Variants in TMEM63C observed in about 807,000 individuals in gnomAD.
TMEM63C encodes transmembrane protein 63C.
In TMEM63C, 32 loss-of-function variants were observed where a neutral mutation model predicts 99.2. The observed-to-expected ratio is 0.32, with a 90% confidence interval of 0.24 to 0.43. TMEM63C has a LOEUF of 0.43. Ranked by LOEUF, TMEM63C falls within the 20% of genes least tolerant of loss-of-function variation. The pLI, the probability that TMEM63C is intolerant of heterozygous loss-of-function variation, is 1.00. For synonymous variants in TMEM63C, 376 were observed against 397.9 expected, an observed-to-expected ratio of 0.94 and a Z score of 0.66; for missense variants, 826 against 1,053.0, an observed-to-expected ratio of 0.78 and a Z score of 2.98.
rs77785033 is a variant in TMEM63C, at chr14:77,256,680, A to G, written c.2375A>G (p.Gln792Arg). The stretch of plus-strand genomic sequence containing the variant: ...TTTGCGAGGGAGCTAGACTCGGCCC[A>G]GTTCCAGGAAGGGCTGGAACTGGAG... ...RGFARELDSA[Q>R]FQEGLELEGQ... The change falls in exon 24 of 24, where the codon CAG (glutamine) becomes CGG (arginine). Residue 792 changes from glutamine to arginine, a missense_variant. Coordinates refer to ENST00000298351, the MANE Select transcript of TMEM63C (RefSeq NM_020431.4). 5 of 1,613,984 alleles carry G rather than the reference A, an allele frequency of 3.1e-6. No individual in the cohort carries two copies. In the South Asian group the frequency reaches 5.5e-5, roughly 18 times the overall value.
intron 20 of TMEM63C, 66 bp downstream of exon 20, chr14:77,248,938 CACA>C: frequency 3.5e-6 from 5 of 1,416,686 alleles, no homozygotes; most frequent in Non-Finnish European, 5.0e-6. Flanking sequence ...AATTGAGCCT[CACA>C]ACATCAGTCC....
At chr14:77,246,752 G>A in intron 18 of TMEM63C, 78 bp downstream of exon 18, 1 of 1,239,918 alleles carries the variant, frequency 8.1e-7, no homozygotes, top group South Asian at 1.3e-5. Flanking sequence ...CCTGAGTCCA[G>A]CACCTGAATT....
chr14:77,231,480 A>T, intron 6 of TMEM63C, 108 bp from the exon 7 acceptor site: 1 of 1,294,078 alleles, frequency 7.7e-7, no homozygotes, highest in Non-Finnish European at 1.0e-6. Context: ...AAAAAAAAAA[A>T]AACTTGGGGA....
chr14:77,249,201 ATCT>A, intron 20 of TMEM63C, 87 bp from the exon 21 acceptor site: 1 of 1,374,068 alleles, frequency 7.3e-7, no homozygotes, highest in East Asian at 2.3e-5. Context: ...ACAGCCGTGG[ATCT>A]GGCTTCTCAG....
At chr14:77,208,609 T>A (rs1888445286) in intron 1 of TMEM63C, among the ~76,000 whole-genome samples, 1 of 152,228 alleles carries the variant, frequency 6.6e-6, no homozygotes, top group Admixed American at 6.5e-5. Flanking sequence ...GAAATGTACC[T>A]TTTAACTTTC....
At chr14:77,202,820 C>G (rs1179293946) in intron 1 of TMEM63C, among the ~76,000 whole-genome samples, 2 of 138,994 alleles carry the variant, frequency 1.4e-5, no homozygotes, top group Non-Finnish European at 3.1e-5. Context: ...GGCAGACAGG[C>G]AGGCGCACAC....
rs75144015 is a variant in TMEM63C at position 77,216,648 on chromosome 14, C to T, written c.-13-2153C>T. Among the ~76,000 whole-genome samples the T allele has an allele frequency of 4.7e-3, 718 of 152,314 alleles. 5 individuals carry two copies. The highest frequency in any genetic ancestry group is 0.016 in the African/African-American group (679 of 41,568). ...ATCTTCCAGTGGCTCAGGCCAAAAA[C>T]CTGAGAGTCATCCTCGACTCCTCTC... On this transcript the variant is annotated intron_variant, in intron 2 of 23. Coordinates refer to ENST00000298351, the MANE Select transcript of TMEM63C (RefSeq NM_020431.4).
At chr14:77,191,387 C>G (rs1888101558) in intron 1 of TMEM63C, among the ~76,000 whole-genome samples, 1 of 152,122 alleles carries the variant, frequency 6.6e-6, no homozygotes, top group African/African-American at 2.4e-5. Context: ...TGTGAGCTAT[C>G]CTGGAGAATG....
intron 5 of TMEM63C, among the ~76,000 whole-genome samples, chr14:77,222,639 G>T (rs10400728): frequency 0.22 from 32,827 of 151,966 alleles, 4,095 homozygotes; most frequent in East Asian, 0.45. Context: ...TGAGTCCACC[G>T]TTTAGCTTCT....
intron 1 of TMEM63C, among the ~76,000 whole-genome samples, chr14:77,200,649 T>C (rs1192593605): frequency 6.6e-6 from 1 of 152,244 alleles, no homozygotes; most frequent in Admixed American, 6.5e-5. Context: ...CTGCTGCCCC[T>C]GAGGGGTGGT....
At position 77,240,681 on chromosome 14, in the gene TMEM63C, C is replaced by T. The variant is rs138279317; in HGVS notation, c.1064+73C>T. On this transcript the variant is annotated intron_variant, in intron 13 of 23. Transcript: ENST00000298351. ...TCTCGGCACTCTCCTCCCTCTCCAC[C>T]TCCAGTTTCCCCTTCTGCCTCCCCT... The T allele has an allele frequency of 2.5e-4, 395 of 1,553,434 alleles. 3 individuals are homozygous for T. The East Asian group carries it at 8.7e-3, about 34-fold the overall frequency.
At chr14:77,232,611 A>G (rs550644342) in intron 7 of TMEM63C, among the ~76,000 whole-genome samples, 3 of 152,336 alleles carry the variant, frequency 2.0e-5, no homozygotes, top group Non-Finnish European at 4.4e-5. Context: ...TTAACCTTGT[A>G]TATGGCAAAT....
chr14:77,182,998 G>A (rs937648016), intron 1 of TMEM63C, among the ~76,000 whole-genome samples: 41 of 152,052 alleles, frequency 2.7e-4, no homozygotes, highest in African/African-American at 8.2e-4. Context: ...TTCTCTCTCC[G>A]GCCCCTGTCC....
chr14:77,228,032 C>G (rs382125), intron 6 of TMEM63C, among the ~76,000 whole-genome samples: 26,029 of 151,972 alleles, frequency 0.17, 2,445 homozygotes, highest in Non-Finnish European at 0.21. Flanking sequence ...GACGCAGGTG[C>G]ATGCAGAGAG....
At chr14:77,196,558 G>A (rs1247771862) in intron 1 of TMEM63C, among the ~76,000 whole-genome samples, 1 of 152,200 alleles carries the variant, frequency 6.6e-6, no homozygotes, top group Non-Finnish European at 1.5e-5. Flanking sequence ...TGGGCCTCCT[G>A]GTGGTTCTTT....
chr14:77,208,247 G>A, intron 1 of TMEM63C, among the ~76,000 whole-genome samples: 1 of 152,212 alleles, frequency 6.6e-6, no homozygotes, highest in East Asian at 1.9e-4. Context: ...TCAGAACAGA[G>A]CAGAACTGTC....
At chr14:77,234,765 A>G (rs1889006636) in intron 8 of TMEM63C, among the ~76,000 whole-genome samples, 1 of 152,138 alleles carries the variant, frequency 6.6e-6, no homozygotes, top group South Asian at 2.1e-4. Flanking sequence ...GAAAGCAGGG[A>G]TGGCAAACAT....
intron 13 of TMEM63C, among the ~76,000 whole-genome samples, chr14:77,241,953 T>G (rs1053885503): frequency 2.0e-5 from 3 of 152,196 alleles, no homozygotes; most frequent in African/African-American, 7.2e-5. Context: ...TAGCACAGTG[T>G]CAAGCACACA....
chr14:77,196,134 G>A (rs1456066346), intron 1 of TMEM63C: 1 of 152,564 alleles, frequency 6.6e-6, no homozygotes, highest in African/African-American at 2.4e-5. Flanking sequence ...CCACTCAGAA[G>A]GACCGTTTCC....
Sources: allele counts gnomAD v4.1 joint callset (sites outside exome capture counted in the v4.1 genomes callset), GRCh38; gene constraint gnomAD v4.1.1; transcripts MANE v1.5; gene names NCBI Gene and HGNC (gene_info 2026-07-23, HGNC 2026-07-21).